The following DLGAP2 variants were observed in gnomAD, a reference collection of about 807,000 sequenced individuals.
DLGAP2 encodes disks large-associated protein 2.
Under a neutral mutation model 100.3 loss-of-function variants are expected in DLGAP2, and 26 were observed. That is an observed-to-expected ratio of 0.26 (90% confidence interval 0.19 to 0.36). DLGAP2 has a LOEUF of 0.36. Ranked by LOEUF, DLGAP2 falls within the 10% of genes least tolerant of loss-of-function variation. DLGAP2 has a pLI of 1.00. For synonymous variants in DLGAP2, 886 were observed against 630.1 expected (o/e 1.41, Z -6.08); for missense variants, 1,858 against 1,453.2 (o/e 1.28, Z -4.53).
Position 1,554,857 on chromosome 8 carries a change from C to G in DLGAP2, c.1230+5174C>G, listed in dbSNP as rs549383864. Among the ~76,000 whole-genome samples, 7 of 151,044 alleles carry G rather than the reference C, an allele frequency of 4.6e-5. No homozygotes were observed. The East Asian group carries it at 1.4e-3, about 30-fold the overall frequency. On this transcript the variant is annotated intron_variant, in intron 5 of 14. Transcript: ENST00000637795. ...TGTGGCTTATGGGGTGCTTTCAACT[C>G]CAGAAAACCAATAGTTCTAACAAGC...
intron 3 of DLGAP2, among the ~76,000 whole-genome samples, chr8:1,481,897 G>T (rs1413281498): frequency 6.6e-6 from 1 of 152,216 alleles, no homozygotes; most frequent in African/African-American, 2.4e-5. Flanking sequence ...TCATGTCTCA[G>T]GCTCAAGCTT....
At chr8:913,385 C>A (rs1462842191) in intron 2 of DLGAP2, among the ~76,000 whole-genome samples, 3 of 152,144 alleles carry the variant, frequency 2.0e-5, no homozygotes, top group Non-Finnish European at 1.5e-5. Flanking sequence ...AACTCAGTGG[C>A]CAAGTTTGCA....
At chr8:1,452,601 G>C (rs1264132785) in intron 3 of DLGAP2, among the ~76,000 whole-genome samples, 1 of 152,226 alleles carries the variant, frequency 6.6e-6, no homozygotes, top group East Asian at 1.9e-4. Context: ...GCAGGACACA[G>C]GGAAGAGGAG....
intron 2 of DLGAP2, chr8:1,002,120 C>T (rs1035190289): frequency 6.6e-6 from 1 of 152,164 alleles, no homozygotes; most frequent in Non-Finnish European, 1.5e-5. Context: ...CAGATGAAGA[C>T]CCCCAGGCCC....
intron 3 of DLGAP2, among the ~76,000 whole-genome samples, chr8:1,465,081 T>A (rs147392501): frequency 6.6e-6 from 1 of 152,172 alleles, no homozygotes; most frequent in African/African-American, 2.4e-5. Context: ...AGGGATCCCC[T>A]AATTCAGCAC....
intron 2 of DLGAP2, among the ~76,000 whole-genome samples, chr8:970,250 T>C (rs1799979437): frequency 6.6e-6 from 1 of 152,194 alleles, no homozygotes; most frequent in Admixed American, 6.5e-5. Flanking sequence ...GTTATAAAAA[T>C]TGATGGTGGG....
At chr8:969,130 C>G (rs555981117) in intron 2 of DLGAP2, among the ~76,000 whole-genome samples, 1 of 152,120 alleles carries the variant, frequency 6.6e-6, no homozygotes, top group African/African-American at 2.4e-5. Flanking sequence ...TGAAGCAGAC[C>G]TCTCCCCAGG....
At chr8:1,411,404 G>C (rs968366880) in intron 3 of DLGAP2, among the ~76,000 whole-genome samples, 1 of 152,192 alleles carries the variant, frequency 6.6e-6, no homozygotes, top group Non-Finnish European at 1.5e-5. Flanking sequence ...ATAAAAGCAC[G>C]AAGGACTTGA....
At chr8:1,083,591 T>C (rs1358514074) in intron 2 of DLGAP2, among the ~76,000 whole-genome samples, 1 of 152,216 alleles carries the variant, frequency 6.6e-6, no homozygotes, top group Non-Finnish European at 1.5e-5. Context: ...TTTTCCCTCA[T>C]AATTATGCTA....
intron 1 of DLGAP2, among the ~76,000 whole-genome samples, chr8:881,849 T>A (rs1308229686): frequency 6.6e-6 from 1 of 152,040 alleles, no homozygotes; most frequent in Non-Finnish European, 1.5e-5. Flanking sequence ...ATATGCCCTG[T>A]CACTTTGTTC....
chr8:894,799 G>A lies in DLGAP2; in HGVS notation c.19-13113G>A, dbSNP rs11779196. On this transcript the variant is annotated intron_variant, in intron 1 of 14. Transcript: ENST00000637795. ...GGCTGGCAGGGGCGGGGTGGGGACAGCAGAGTGGTGGCTGGCAGGGGTGGG... is the reference window on the plus strand; with the variant it reads ...GGCTGGCAGGGGCGGGGTGGGGACAACAGAGTGGTGGCTGGCAGGGGTGGG... Among the ~76,000 whole-genome samples the A allele has an allele frequency of 8.8e-3, 469 of 53,122 alleles. 2 individuals carry two copies. Among genetic ancestry groups the A allele is most frequent in the Admixed American group, 0.014 (54 of 3,934 alleles). 34.9% of individuals were successfully genotyped at this position (53,122 alleles called of 152,430 possible).
chr8:1,205,156 A>G (rs1236622431), intron 2 of DLGAP2, among the ~76,000 whole-genome samples: 1 of 152,186 alleles, frequency 6.6e-6, no homozygotes, highest in East Asian at 1.9e-4. Flanking sequence ...GGAAAGGTCC[A>G]TCGCGTTTTT....
chr8:1,418,769 T>C (rs1797008275), intron 3 of DLGAP2, among the ~76,000 whole-genome samples: 1 of 152,208 alleles, frequency 6.6e-6, no homozygotes, highest in Non-Finnish European at 1.5e-5. Flanking sequence ...TTCATTGCTG[T>C]CCTGACCCTG....
At chr8:912,032 G>A (rs961022297) in intron 2 of DLGAP2, among the ~76,000 whole-genome samples, 3 of 152,160 alleles carry the variant, frequency 2.0e-5, no homozygotes, top group Non-Finnish European at 2.9e-5. Flanking sequence ...CACAATTGGC[G>A]GGGTTCTGAC....
rs1797417202 is a variant in DLGAP2, at chr8:1,623,727, G to A, written c.1443-3013G>A. Among the ~76,000 whole-genome samples the A allele has an allele frequency of 3.3e-5, 5 of 152,262 alleles. No homozygotes were observed. In the South Asian group the frequency reaches 1.0e-3, roughly 31 times the overall value. ...CTTGCAGCAATGTGCGTCTGATGCT[G>A]CATTCATAGGAGGAAGGTTGGGAAG... On this transcript the variant is annotated intron_variant, in intron 6 of 14. Coordinates refer to ENST00000637795, the MANE Select transcript of DLGAP2 (RefSeq NM_001346810.2).
rs1797089246 is a variant in DLGAP2 at position 1,614,607 on chromosome 8, A to G, written c.1443-12133A>G. Among the ~76,000 whole-genome samples the G allele has an allele frequency of 2.0e-5, 3 of 152,320 alleles. No individual in the cohort carries two copies. The South Asian group carries it at 6.2e-4, about 32-fold the overall frequency. On this transcript the variant is annotated intron_variant, in intron 6 of 14. Coordinates refer to ENST00000637795, the MANE Select transcript of DLGAP2 (RefSeq NM_001346810.2). Reference sequence around the variant, plus strand: ...CTGGGAAAGGAGACCTCCCAGGCGGAGCCCCCTGTGGCACAGCCTCTGCCT... The same window carrying G: ...CTGGGAAAGGAGACCTCCCAGGCGGGGCCCCCTGTGGCACAGCCTCTGCCT...
At chr8:1,516,753 G>A (rs991269112) in intron 4 of DLGAP2, among the ~76,000 whole-genome samples, 1 of 152,182 alleles carries the variant, frequency 6.6e-6, no homozygotes, top group African/African-American at 2.4e-5. Context: ...GTGGGTGACT[G>A]AGTGAAAGAG....
intron 3 of DLGAP2, among the ~76,000 whole-genome samples, chr8:1,261,199 C>T (rs1193729481): frequency 6.6e-6 from 1 of 151,470 alleles, no homozygotes; most frequent in Non-Finnish European, 1.5e-5. Context: ...GGTCAGCTTC[C>T]AGATCTTTAA....
At chr8:962,767 G>A (rs908683286) in intron 2 of DLGAP2, among the ~76,000 whole-genome samples, 3 of 152,186 alleles carry the variant, frequency 2.0e-5, no homozygotes, top group African/African-American at 7.2e-5. Flanking sequence ...GGGTGGTCAC[G>A]GCAGGGAGCA....
Sources: gnomAD v4.1 joint callset for allele counts (sites outside exome capture counted in the v4.1 genomes callset) on GRCh38, gnomAD v4.1.1 for gene constraint, MANE v1.5 for transcripts, NCBI Gene and HGNC (gene_info 2026-07-23, HGNC 2026-07-21) for gene names.